The following PSD3 variants were observed in gnomAD, a reference collection of about 807,000 sequenced individuals.
PSD3 encodes the protein PH and SEC7 domain-containing protein 3.
Under a neutral mutation model 105.5 loss-of-function variants are expected in PSD3, and 49 were observed. That is an observed-to-expected ratio of 0.46 (90% confidence interval 0.37 to 0.59). The LOEUF is 0.59. Ranked by LOEUF, PSD3 falls within the 20% of genes least tolerant of loss-of-function variation. The pLI, the probability that PSD3 is intolerant of heterozygous loss-of-function variation, is 0.00. For missense variants in PSD3, 1,561 were observed against 1,263.8 expected, an observed-to-expected ratio of 1.24 and a Z score of -3.57; for synonymous variants, 557 against 457.8, an observed-to-expected ratio of 1.22 and a Z score of -2.77.
chr8:18,633,197 T>C (rs1807023658), intron 10 of PSD3, among the ~76,000 whole-genome samples: 1 of 152,064 alleles, frequency 6.6e-6, no homozygotes, highest in Admixed American at 6.6e-5. Context: ...TGGCAGGAAT[T>C]ATGATTTTGA....
At chr8:18,842,896 T>G (rs1418571536) in intron 4 of PSD3, among the ~76,000 whole-genome samples, 4 of 152,144 alleles carry the variant, frequency 2.6e-5, no homozygotes, top group African/African-American at 4.8e-5. Flanking sequence ...TCCTCAGAAG[T>G]TCCCTCTTGC....
At chr8:18,550,145 A>T (rs1399717443) in intron 15 of PSD3, among the ~76,000 whole-genome samples, 1 of 152,188 alleles carries the variant, frequency 6.6e-6, no homozygotes, top group African/African-American at 2.4e-5. Flanking sequence ...TTGATGAAGG[A>T]GGGATTTAAG....
chr8:18,865,266 ATATATATATATATATATATATTTT>A (rs1164005862), intron 4 of PSD3: 78 of 3,322 alleles, frequency 0.023, 4 homozygotes, highest in African/African-American at 0.081. Flanking sequence ...ATATATATAT[ATATATATATATATATATATATTTT>A]TTTTTTTTTT....
At chr8:18,841,697 T>C (rs1264548343) in intron 4 of PSD3, among the ~76,000 whole-genome samples, 1 of 151,696 alleles carries the variant, frequency 6.6e-6, no homozygotes, top group Non-Finnish European at 1.5e-5. Flanking sequence ...ATTCTTTGAG[T>C]TTTCAAGAGA....
At chr8:18,695,696 T>C (rs79001963) in intron 9 of PSD3, among the ~76,000 whole-genome samples, 2,416 of 152,338 alleles carry the variant, frequency 0.016, 31 homozygotes, top group Non-Finnish European at 0.023. Flanking sequence ...CCTGGGTATA[T>C]ACACATACCA....
At chr8:18,793,691 C>A (rs1456728945) in intron 8 of PSD3, among the ~76,000 whole-genome samples, 2 of 152,136 alleles carry the variant, frequency 1.3e-5, no homozygotes, top group African/African-American at 4.8e-5. Context: ...GCTTTCATGG[C>A]AGATGGCATC....
At chr8:18,838,654 A>T (rs1398311855) in intron 4 of PSD3, among the ~76,000 whole-genome samples, 2 of 151,624 alleles carry the variant, frequency 1.3e-5, no homozygotes, top group East Asian at 1.9e-4. Flanking sequence ...ACAAAAAATT[A>T]GCCGGGCGTG....
chr8:18,752,521 TA>T (rs1805608274), intron 9 of PSD3, among the ~76,000 whole-genome samples: 5 of 81,150 alleles, frequency 6.2e-5, no homozygotes, highest in East Asian at 3.6e-4. Flanking sequence ...ATATATGTAA[TA>T]TATATAATTA....
At chr8:18,959,682 T>A (rs1823793247) in intron 1 of PSD3, among the ~76,000 whole-genome samples, 1 of 152,088 alleles carries the variant, frequency 6.6e-6, no homozygotes, top group African/African-American at 2.4e-5. Context: ...AAAAGCTGAC[T>A]AGGGAAAATG....
rs886935824 is a variant in PSD3 at position 18,556,121 on chromosome 8, G to T, written c.2928+88C>A. 4.8e-6 allele frequency: 7 copies of T among 1,465,064 alleles called. No individual in the cohort carries two copies. The African/African-American group carries it at 9.9e-5, about 21-fold the overall frequency. The allele number at this position is 1,465,064 out of a possible 1,614,324, so 90.8% of individuals were successfully genotyped here. On this transcript the variant is annotated intron_variant, in intron 15 of 15. Transcript: ENST00000327040. ...CCAGGGGCAAGACACGCCTCTCTCA[G>T]TGACACTGCAAAGAAAGATACCGCC...
intron 13 of PSD3, 64 bp downstream of exon 13, chr8:18,575,064 C>T: frequency 6.8e-7 from 1 of 1,481,412 alleles, no homozygotes; most frequent in Non-Finnish European, 9.0e-7. Flanking sequence ...GATTTTGTTC[C>T]TTGCAATAAA....
At chr8:18,716,878 A>C (rs1802632491) in intron 9 of PSD3, among the ~76,000 whole-genome samples, 1 of 152,232 alleles carries the variant, frequency 6.6e-6, no homozygotes, top group Non-Finnish European at 1.5e-5. Context: ...TCACGGATAC[A>C]GCACATGTGT....
At chr8:18,611,361 T>C (rs1000911589) in intron 11 of PSD3, among the ~76,000 whole-genome samples, 10 of 152,064 alleles carry the variant, frequency 6.6e-5, no homozygotes, top group Non-Finnish European at 1.2e-4. Flanking sequence ...TCTCAAAACA[T>C]TGCAAATGAT....
At chr8:18,681,879 CAAAA>C in intron 9 of PSD3, among the ~76,000 whole-genome samples, 1 of 151,406 alleles carries the variant, frequency 6.6e-6, no homozygotes, top group South Asian at 2.1e-4. Context: ...ACATATGCCT[CAAAA>C]AAATACTAAT....
intron 1 of PSD3, among the ~76,000 whole-genome samples, chr8:18,939,515 C>CTT (rs78721400): frequency 2.9e-5 from 4 of 139,000 alleles, no homozygotes; most frequent in Middle Eastern, 3.6e-3. Context: ...AGAAACATAG[C>CTT]TTTTTTTTTT....
chr8:18,761,000 T>C (rs1282828635), intron 9 of PSD3, among the ~76,000 whole-genome samples: 1 of 152,180 alleles, frequency 6.6e-6, no homozygotes, highest in Admixed American at 6.5e-5. Context: ...TAGCAGAATA[T>C]GAACTAGTTT....
In PSD3 at chr8:18,773,575, T is replaced by C. The variant is rs189240039; in HGVS notation, c.2083-8037A>G. Among the ~76,000 whole-genome samples, 1,501 of 152,260 alleles carry C rather than the reference T, an allele frequency of 9.9e-3. 24 individuals are homozygous for C. Among genetic ancestry groups the C allele is most frequent in the African/African-American group, 0.031 (1,279 of 41,514 alleles). On this transcript the variant is annotated intron_variant, in intron 8 of 15. Coordinates refer to ENST00000327040, the MANE Select transcript of PSD3 (RefSeq NM_015310.4). ...GTAGATTACTTTGTATAGTATAATA[T>C]ATAAAAAAATTAAGTCTTCCAGTCC...
Position 18,721,488 on chromosome 8 carries a change from C to G in PSD3, c.2172+43961G>C, listed in dbSNP as rs565919122. On this transcript the variant is annotated intron_variant, in intron 9 of 15. Coordinates refer to ENST00000327040, the MANE Select transcript of PSD3 (RefSeq NM_015310.4). Reference sequence around the variant, plus strand: ...TATAGCATAGCTGGGACCATTAAAGCCTTAGAAGTTAAAAAGATTGACGTT... The same window carrying G: ...TATAGCATAGCTGGGACCATTAAAGGCTTAGAAGTTAAAAAGATTGACGTT... Among the ~76,000 whole-genome samples the G allele has an allele frequency of 5.7e-4, 87 of 152,214 alleles. 1 individual carries two copies. The highest frequency in any genetic ancestry group is 1.9e-3 in the African/African-American group (79 of 41,526).
intron 1 of PSD3, among the ~76,000 whole-genome samples, chr8:19,060,386 C>A (rs933371591): frequency 6.6e-6 from 1 of 152,170 alleles, no homozygotes; most frequent in Admixed American, 6.5e-5. Context: ...TATCTGTAAC[C>A]ACAGAGGTCT....
Sources: allele counts gnomAD v4.1 joint callset (sites outside exome capture counted in the v4.1 genomes callset), GRCh38; gene constraint gnomAD v4.1.1; transcripts MANE v1.5; gene names NCBI Gene and HGNC (gene_info 2026-07-23, HGNC 2026-07-21).